The following MID1 variants were observed in gnomAD, a reference collection of about 807,000 sequenced individuals.
MID1 encodes E3 ubiquitin-protein ligase Midline-1.
A neutral mutation model predicts 40.4 loss-of-function variants in MID1; 7 were observed. The observed-to-expected ratio is 0.17, with a 90% CI of 0.10 to 0.33. MID1 has a LOEUF of 0.33. Ranked by LOEUF, MID1 falls within the 10% of genes least tolerant of loss-of-function variation. The probability of loss-of-function intolerance (pLI) is 1.00; values close to 1 mark genes in which losing one functional copy is unlikely to be tolerated. For synonymous variants in MID1, 229 were observed against 221.2 expected (o/e 1.04, Z -0.31); for missense variants, 367 against 558.5 (o/e 0.66, Z 3.46).
chrX:10,804,901 C>T (rs987296986), intron 1 of MID1, among the ~76,000 whole-genome samples: 1 of 111,015 alleles, frequency 9.0e-6, no homozygotes, highest in Non-Finnish European at 1.9e-5. Context: ...TTTCATATGT[C>T]CAAAGTGTTA....
At chrX:10,832,846 C>T (rs1301884824) in intron 1 of MID1, among the ~76,000 whole-genome samples, 1 of 112,094 alleles carries the variant, frequency 8.9e-6, no homozygotes, top group Non-Finnish European at 1.9e-5. Context: ...TAATTACATT[C>T]AGATTGAGAT....
chrX:10,581,002 A>C lies in MID1; in HGVS notation c.-56-13399T>G, dbSNP rs750678893. Among the ~76,000 whole-genome samples the C allele has an allele frequency of 3.7e-5, 4 of 108,737 alleles. No individual in the cohort carries two copies. The South Asian group carries it at 1.2e-3, about 34-fold the overall frequency. 94.4% of individuals were successfully genotyped at this position (108,737 alleles called of 115,157 possible). A position where few individuals can be genotyped will look rare whatever the true frequency, so the allele number is the denominator to read the frequency against. ...AGTGGCTCACGCCTGTAATCCCAGC[A>C]CTGTGGGAGGCCGAGGCAGGCGGAT... is the stretch of plus-strand genomic sequence containing the variant. On this transcript the variant is annotated intron_variant, in intron 1 of 9. Transcript: ENST00000317552.
intron 1 of MID1, among the ~76,000 whole-genome samples, chrX:10,569,866 GT>G (rs1173400701): frequency 1.8e-5 from 2 of 111,367 alleles, no homozygotes; most frequent in African/African-American, 6.5e-5. Context: ...AGAATCTGGG[GT>G]TCACATCACC....
rs1328764093 is a variant in MID1, at chrX:10,613,766, G to GAGAC, written c.-57+6520_-57+6523dup. On this transcript the variant is annotated intron_variant, in intron 1 of 9. Transcript: ENST00000317552. Reference sequence around the variant, plus strand: ...AGAGAGAGAGAGAGAGAGAGAGAGAGAGACAGACAGACAGACAGACAGACA... The same window carrying GAGAC: ...AGAGAGAGAGAGAGAGAGAGAGAGAGAGACAGACAGACAGACAGACAGACAGACA... Among the ~76,000 whole-genome samples the GAGAC allele has an allele frequency of 2.2e-3, 165 of 75,548 alleles. 1 individual carries two copies. Among genetic ancestry groups the GAGAC allele is most frequent in the Non-Finnish European group, 3.0e-3 (126 of 41,318 alleles). 65.6% of individuals were successfully genotyped at this position (75,548 alleles called of 115,157 possible). A position where few individuals can be genotyped will look rare whatever the true frequency, so the allele number is the denominator to read the frequency against.
rs1477864693 is a variant in MID1 at position 10,465,214 on chromosome X, T to TATATACAC, written c.1285+4482_1285+4483insGTGTATAT. On this transcript the variant is annotated intron_variant, in intron 7 of 9. Coordinates refer to ENST00000317552, the MANE Select transcript of MID1 (RefSeq NM_000381.4). ...ATATATATATATATATATATATATATACACACACACACACACACACACACA... is the reference window on the plus strand; with the variant it reads ...ATATATATATATATATATATATATATATATACACACACACACACACACACACACACACA... 1.9e-3 allele frequency among the ~76,000 whole-genome samples: 77 copies of TATATACAC among 39,886 alleles called. 3 individuals carry two copies. Among genetic ancestry groups the TATATACAC allele is most frequent in the African/African-American group, 8.8e-3 (62 of 7,058 alleles). 34.6% of individuals were successfully genotyped at this position (39,886 alleles called of 115,157 possible).
At chrX:10,685,484 C>G (rs960186762) in intron 1 of MID1, among the ~76,000 whole-genome samples, 1 of 111,998 alleles carries the variant, frequency 8.9e-6, no homozygotes, top group Non-Finnish European at 1.9e-5. Flanking sequence ...CTGGCCATAA[C>G]GAAATTCCCT....
intron 2 of MID1, among the ~76,000 whole-genome samples, chrX:10,537,184 G>A (rs186190296): frequency 5.2e-4 from 57 of 109,881 alleles, no homozygotes; most frequent in African/African-American, 1.8e-3. Flanking sequence ...TATAAACGTC[G>A]TTCTTAAAAA....
intron 2 of MID1, among the ~76,000 whole-genome samples, chrX:10,549,344 T>G (rs768761853): frequency 8.8e-6 from 1 of 113,319 alleles, no homozygotes; most frequent in Non-Finnish European, 1.9e-5. Flanking sequence ...GATCACTTGT[T>G]GAAGGTTAGT....
intron 1 of MID1, among the ~76,000 whole-genome samples, chrX:10,750,421 C>G: frequency 9.1e-6 from 1 of 110,093 alleles, no homozygotes; most frequent in Non-Finnish European, 1.9e-5. Flanking sequence ...CACTTGAGGT[C>G]AGGAGTTTGA....
intron 1 of MID1, among the ~76,000 whole-genome samples, chrX:10,673,800 C>T (rs760311744): frequency 9.0e-6 from 1 of 111,113 alleles, no homozygotes; most frequent in African/African-American, 3.3e-5. Flanking sequence ...ATTCTCTGGT[C>T]CTTCATTCCA....
chrX:10,637,154 A>G (rs1246614523), intron 1 of MID1, among the ~76,000 whole-genome samples: 1 of 109,838 alleles, frequency 9.1e-6, no homozygotes, highest in Non-Finnish European at 1.9e-5. Flanking sequence ...CTCCCTTTCT[A>G]TGAGCATATC....
Position 10,567,226 on chromosome X carries a change from C to T in MID1, c.322G>A (p.Ala108Thr), listed in dbSNP as rs1934586055. 8 of 1,210,497 alleles carry T rather than the reference C, an allele frequency of 6.6e-6. No individual in the cohort carries two copies. In the East Asian group the frequency reaches 1.5e-4, roughly 22 times the overall value. Residue 108 changes from alanine (A) to threonine (T), a missense_variant, in exon 2 of 10, where the codon GCC becomes ACC. Ala to Thr is a moderately conservative substitution (Grantham distance 58). Transcript: ENST00000317552. ...TTCTCGGCGGAGGTCATGGTGTTGG[C>T]GTCAAAGGCCCGCTCCCGACGGGTC... ...SETRRERAFD[A>T]NTMTSAEKVL...
chrX:10,530,900 T>G (rs1932947022), intron 2 of MID1, among the ~76,000 whole-genome samples: 1 of 112,365 alleles, frequency 8.9e-6, no homozygotes, highest in Admixed American at 9.4e-5. Context: ...GCACTACTAT[T>G]AAAATGTATG....
chrX:10,533,067 C>T (rs757026324), intron 2 of MID1, among the ~76,000 whole-genome samples: 4 of 109,894 alleles, frequency 3.6e-5, no homozygotes, highest in South Asian at 3.9e-4. Flanking sequence ...CCACCGTGCC[C>T]GCCCTCATTT....
intron 1 of MID1, among the ~76,000 whole-genome samples, chrX:10,602,924 G>A (rs892606164): frequency 4.5e-5 from 5 of 112,197 alleles, no homozygotes; most frequent in African/African-American, 1.6e-4. Flanking sequence ...TAAGCTCTTC[G>A]CAACCTTCCT....
At chrX:10,649,881 C>T (rs1017823522) in intron 1 of MID1, among the ~76,000 whole-genome samples, 1 of 111,947 alleles carries the variant, frequency 8.9e-6, no homozygotes. Flanking sequence ...AATTTTTGAA[C>T]ACTTAACGTG....
At chrX:10,670,821 A>G (rs2042983155) in intron 1 of MID1, among the ~76,000 whole-genome samples, 1 of 112,247 alleles carries the variant, frequency 8.9e-6, no homozygotes, top group African/African-American at 3.2e-5. Flanking sequence ...TCTGCATCCC[A>G]TCATCTTGAC....
intron 2 of MID1, among the ~76,000 whole-genome samples, chrX:10,557,528 C>T (rs931112642): frequency 6.3e-5 from 7 of 111,965 alleles, no homozygotes; most frequent in African/African-American, 2.3e-4. Flanking sequence ...TTCAGAGTCA[C>T]TAACCCACTA....
At position 10,447,225 on chromosome X, in the gene MID1, G is replaced by T. The variant is rs766154229; in HGVS notation, c.*2143C>A. 9.0e-6 allele frequency: 1 copy of T among 111,362 alleles called. No individual in the cohort carries two copies. Among genetic ancestry groups the T allele is most frequent in the African/African-American group, 3.3e-5 (1 of 30,621 alleles). The allele number at this position is 111,362 out of a possible 1,213,427, so 9.2% of individuals were successfully genotyped here. Reference sequence around the variant, plus strand: ...AAAATAGCCAAACATACCCTAAATGGCTTACTGTGAAAATTTGAGTAGTAA... The same window carrying T: ...AAAATAGCCAAACATACCCTAAATGTCTTACTGTGAAAATTTGAGTAGTAA... On this transcript the variant is annotated 3_prime_UTR_variant, in exon 10 of 10. Coordinates refer to ENST00000317552, the MANE Select transcript of MID1 (RefSeq NM_000381.4).
Sources: allele counts gnomAD v4.1 joint callset (sites outside exome capture counted in the v4.1 genomes callset), GRCh38; gene constraint gnomAD v4.1.1; transcripts MANE v1.5; gene names NCBI Gene and HGNC (gene_info 2026-07-23, HGNC 2026-07-21).